The following ATP9A variants were observed in gnomAD, a reference collection of about 807,000 sequenced individuals.
The protein encoded by ATP9A is probable phospholipid-transporting ATPase IIA.
In ATP9A, 52 loss-of-function variants were observed where a neutral mutation model predicts 144.1. The ratio of observed to expected loss-of-function variants is 0.36; its 90% confidence interval spans 0.29 to 0.45. The LOEUF is 0.45. Ranked by LOEUF, ATP9A falls within the 20% of genes least tolerant of loss-of-function variation. The pLI, the probability that ATP9A is intolerant of heterozygous loss-of-function variation, is 1.00. For missense variants in ATP9A, 947 were observed against 1,392.7 expected (o/e 0.68, Z 5.09); for synonymous variants, 582 against 557.4 (o/e 1.04, Z -0.62).
chr20:51,757,902 A>C (rs939553498), intron 1 of ATP9A, among the ~76,000 whole-genome samples: 1 of 140,264 alleles, frequency 7.1e-6, no homozygotes, highest in South Asian at 2.2e-4. Flanking sequence ...AGTACGTCTC[A>C]AAAAAAAAAA....
At chr20:51,699,061 G>A (rs185095759) in intron 4 of ATP9A, among the ~76,000 whole-genome samples, 66 of 152,190 alleles carry the variant, frequency 4.3e-4, no homozygotes, top group Admixed American at 2.2e-3. Flanking sequence ...ATTATAGGCC[G>A]GGCACCACAG....
Position 51,690,109 on chromosome 20 carries a change from CAAAAAAAAAAAAAAA to C in ATP9A, c.723+615_723+629del, listed in dbSNP as rs796336088. Among the ~76,000 whole-genome samples, 6 of 59,938 alleles carry C rather than the reference CAAAAAAAAAAAAAAA, an allele frequency of 1.0e-4. No homozygotes were observed. The East Asian group carries it at 4.4e-3, about 44-fold the overall frequency. 39.3% of individuals were successfully genotyped at this position (59,938 alleles called of 152,430 possible). On this transcript the variant is annotated intron_variant, in intron 8 of 27. Coordinates refer to ENST00000338821, the MANE Select transcript of ATP9A (RefSeq NM_006045.3). ...CCTAGGCGACAGAAGGAGACCGTCT[CAAAAAAAAAAAAAAA>C]AAAAAAAAAAAAAAGGCCAGGCTCA... is the stretch of plus-strand genomic sequence containing the variant.
chr20:51,750,656 G>A (rs1228711623), intron 1 of ATP9A, among the ~76,000 whole-genome samples: 2 of 152,090 alleles, frequency 1.3e-5, no homozygotes, highest in African/African-American at 4.8e-5. Flanking sequence ...TTCTATCCTC[G>A]CCCTCTTGTA....
rs1021110380 is a variant in ATP9A, at chr20:51,598,981, C to T, written c.*2230G>A. On this transcript the variant is annotated 3_prime_UTR_variant, in exon 28 of 28. Coordinates refer to ENST00000338821, the MANE Select transcript of ATP9A (RefSeq NM_006045.3). Reference sequence around the variant, plus strand: ...CTTCCAACTATGGCTTCTTCAGCCCCTCCTGGGAGCATTCTCCCTTGAAGA... The same window carrying T: ...CTTCCAACTATGGCTTCTTCAGCCCTTCCTGGGAGCATTCTCCCTTGAAGA... 2 of 152,280 alleles carry T rather than the reference C, an allele frequency of 1.3e-5. No individual in the cohort carries two copies. Among genetic ancestry groups the T allele is most frequent in the Non-Finnish European group, 2.9e-5 (2 of 68,064 alleles). The allele number at this position is 152,280 out of a possible 1,614,324, so 9.4% of individuals were successfully genotyped here. A position where few individuals can be genotyped will look rare whatever the true frequency, so the allele number is the denominator to read the frequency against.
intron 1 of ATP9A, among the ~76,000 whole-genome samples, chr20:51,762,479 G>C (rs2077885005): frequency 6.8e-6 from 1 of 147,738 alleles, no homozygotes; most frequent in African/African-American, 2.5e-5. Flanking sequence ...TAGTGACAGA[G>C]CAAGACTCTG....
At chr20:51,662,862 G>A (rs1381519283) in intron 13 of ATP9A, among the ~76,000 whole-genome samples, 2 of 151,956 alleles carry the variant, frequency 1.3e-5, no homozygotes, top group Admixed American at 1.3e-4. Context: ...CCTGAGGTCA[G>A]GAGTTCGAGA....
At chr20:51,698,237 G>A (rs2122829694) in intron 4 of ATP9A, among the ~76,000 whole-genome samples, 1 of 152,278 alleles carries the variant, frequency 6.6e-6, no homozygotes, top group African/African-American at 2.4e-5. Flanking sequence ...CAAAAAACAT[G>A]ACTGGGCCAG....
intron 3 of ATP9A, among the ~76,000 whole-genome samples, chr20:51,714,596 G>A (rs1221092695): frequency 2.0e-5 from 3 of 152,100 alleles, no homozygotes; most frequent in Non-Finnish European, 4.4e-5. Context: ...TTGAACTCCT[G>A]ACCTCAGGTG....
intron 3 of ATP9A, among the ~76,000 whole-genome samples, chr20:51,725,270 G>A (rs985414414): frequency 3.3e-5 from 5 of 151,958 alleles, no homozygotes; most frequent in South Asian, 2.1e-4. Flanking sequence ...CTACAGGCAC[G>A]TCCCACCACA....
intron 9 of ATP9A, among the ~76,000 whole-genome samples, chr20:51,682,074 T>A (rs1485964285): frequency 6.6e-6 from 1 of 151,954 alleles, no homozygotes; most frequent in Non-Finnish European, 1.5e-5. Flanking sequence ...ATGTGTTACC[T>A]GTGTTAAAAT....
chr20:51,735,977 C>T (rs2077761108), intron 1 of ATP9A, among the ~76,000 whole-genome samples: 1 of 152,204 alleles, frequency 6.6e-6, no homozygotes. Context: ...CAGTAAACAA[C>T]TTCCAAAGAA....
intron 9 of ATP9A, among the ~76,000 whole-genome samples, chr20:51,687,468 T>C (rs1444582525): frequency 3.3e-5 from 5 of 152,134 alleles, no homozygotes; most frequent in Non-Finnish European, 4.4e-5. Flanking sequence ...ACTACTGTAC[T>C]AGAGAGCAAC....
intron 1 of ATP9A, among the ~76,000 whole-genome samples, chr20:51,752,109 T>C (rs536943393): frequency 1.3e-5 from 2 of 151,890 alleles, no homozygotes; most frequent in East Asian, 3.9e-4. Flanking sequence ...AGGTGGCTCC[T>C]ACAGAGTGAA....
chr20:51,666,896 G>A (rs1172305508), intron 13 of ATP9A, among the ~76,000 whole-genome samples: 3 of 152,090 alleles, frequency 2.0e-5, no homozygotes, highest in African/African-American at 7.2e-5. Flanking sequence ...GATAAAACTG[G>A]TTTTAAAAAA....
chr20:51,731,478 G>T (rs373275346), intron 1 of ATP9A, among the ~76,000 whole-genome samples: 16 of 152,154 alleles, frequency 1.1e-4, no homozygotes, highest in African/African-American at 3.9e-4. Flanking sequence ...AGCACTTTGG[G>T]AGGCCGAGGC....
intron 1 of ATP9A, among the ~76,000 whole-genome samples, chr20:51,755,045 G>T (rs1285002748): frequency 6.6e-6 from 1 of 151,804 alleles, no homozygotes; most frequent in East Asian, 1.9e-4. Flanking sequence ...TTGAACCCAG[G>T]AGCCGGAGGC....
At chr20:51,752,059 A>G (rs976198216) in intron 1 of ATP9A, among the ~76,000 whole-genome samples, 1 of 151,854 alleles carries the variant, frequency 6.6e-6, no homozygotes. Flanking sequence ...ACAACAAAAA[A>G]AAAAAAACAA....
At chr20:51,702,831 C>CCT (rs2077599894) in intron 4 of ATP9A, among the ~76,000 whole-genome samples, 1 of 152,118 alleles carries the variant, frequency 6.6e-6, no homozygotes, top group Admixed American at 6.5e-5. Context: ...TTCTTGTCTT[C>CCT]CTAAGAAAGT....
chr20:51,736,491 TA>T (rs1215864284), intron 1 of ATP9A, among the ~76,000 whole-genome samples: 5 of 112,954 alleles, frequency 4.4e-5, no homozygotes, highest in African/African-American at 1.6e-4. Context: ...TAGTTACTCT[TA>T]TTTTTTTTTT....
Sources: gnomAD v4.1 joint callset for allele counts (sites outside exome capture counted in the v4.1 genomes callset) on GRCh38, gnomAD v4.1.1 for gene constraint, MANE v1.5 for transcripts, NCBI Gene and HGNC (gene_info 2026-07-23, HGNC 2026-07-21) for gene names.